IL16: variants seen among roughly 807,000 people sequenced by gnomAD.
The protein encoded by IL16 is interleukin 16.
Under a neutral mutation model 110.1 loss-of-function variants are expected in IL16, and 67 were observed. The ratio of observed to expected loss-of-function variants is 0.61; its 90% confidence interval spans 0.50 to 0.75. The LOEUF is 0.75. Among genes scored for constraint, IL16 ranks in the 30% least tolerant of loss-of-function variants. The pLI is 0.00. For missense variants in IL16, 1,545 were observed against 1,655.0 expected, an observed-to-expected ratio of 0.93 and a Z score of 1.15; for synonymous variants, 689 against 662.9, an observed-to-expected ratio of 1.04 and a Z score of -0.61.
intron 13 of IL16, among the ~76,000 whole-genome samples, chr15:81,298,059 T>C (rs1402990734): frequency 1.3e-5 from 2 of 152,182 alleles, no homozygotes; most frequent in African/African-American, 4.8e-5. Context: ...CCTCAGTGTT[T>C]AACTGACAGG....
At position 81,311,940 on chromosome 15, in the gene IL16, C is replaced by T. The variant is rs1900877636; in HGVS notation, c.*3142C>T. ...TTTAAAGCTTGCTCACATCTTGGCA[C>T]ATTTAAGAGACAGTCACCCCAGGAC... On this transcript the variant is annotated 3_prime_UTR_variant, in exon 19 of 19. Coordinates refer to ENST00000683961, the MANE Select transcript of IL16 (RefSeq NM_172217.5). 6.6e-6 allele frequency: 1 copy of T among 152,198 alleles called. No homozygotes were observed. Among genetic ancestry groups the T allele is most frequent in the African/African-American group, 2.4e-5 (1 of 41,438 alleles). The allele number at this position is 152,198 out of a possible 1,614,324, so 9.4% of individuals were successfully genotyped here.
In IL16 at chr15:81,282,744, A is replaced by G. The variant is rs1379671027; in HGVS notation, c.1187A>G (p.Asp396Gly). 1.2e-6 allele frequency: 2 copies of G among 1,612,176 alleles called. No homozygotes were observed. Among genetic ancestry groups the G allele is most frequent in the Non-Finnish European group, 1.7e-6 (2 of 1,178,222 alleles). ...TCACCAGGATCCGTGGCGCACCTGG[A>G]CGGACGTCTCCGGTATGTCCTCACT... ...TLSPGSVAHL[D>G]GRLRCGDEIV... Residue 396 changes from aspartate to glycine, a missense_variant, in exon 9 of 19, where the codon GAC becomes GGC. Coordinates refer to ENST00000683961, the MANE Select transcript of IL16 (RefSeq NM_172217.5).
At chr15:81,294,340 A>G (rs139279871) in intron 12 of IL16, among the ~76,000 whole-genome samples, 217 of 152,306 alleles carry the variant, frequency 1.4e-3, no homozygotes, top group African/African-American at 5.2e-3. Flanking sequence ...CCTGAGACCT[A>G]TGAGTCCAGA....
chr15:81,197,866 A>C (rs1043524830), intron 1 of IL16, among the ~76,000 whole-genome samples: 5 of 151,892 alleles, frequency 3.3e-5, no homozygotes, highest in African/African-American at 1.2e-4. Context: ...AAATCCTCCC[A>C]CTTCAGGCTG....
Position 81,303,054 on chromosome 15 carries a change from A to G in IL16, c.3319-495A>G, listed in dbSNP as rs1250901179. 6.7e-6 allele frequency among the ~76,000 whole-genome samples: 1 copy of G among 148,360 alleles called. No homozygotes were observed. The highest frequency in any genetic ancestry group is 2.6e-5 in the African/African-American group (1 of 38,254). On this transcript the variant is annotated intron_variant, in intron 15 of 18. Transcript: ENST00000683961. The surrounding 1 kb of genome is among the most constrained non-coding windows in gnomAD (Gnocchi z 4.1). ...GTGTGTGTGTGTGTGTCACACTTGC[A>G]CACTGTGCATTGGGGCAGGATGTTA...
chr15:81,280,886 G>A (rs1036936528), intron 8 of IL16, among the ~76,000 whole-genome samples: 3 of 152,208 alleles, frequency 2.0e-5, no homozygotes, highest in Non-Finnish European at 4.4e-5. Context: ...GGCATAAAAT[G>A]GGAAAGGCAT....
At chr15:81,251,856 C>T (rs954740840) in intron 2 of IL16, among the ~76,000 whole-genome samples, 1 of 152,014 alleles carries the variant, frequency 6.6e-6, no homozygotes, top group African/African-American at 2.4e-5. Context: ...ATATTACCTA[C>T]AGTTTTTTTT....
At chr15:81,248,313 C>T (rs943923147) in intron 2 of IL16, among the ~76,000 whole-genome samples, 1 of 152,008 alleles carries the variant, frequency 6.6e-6, no homozygotes. Flanking sequence ...TTCAACTACA[C>T]ACACACCTAC....
chr15:81,216,370 C>A (rs957924802), intron 1 of IL16, among the ~76,000 whole-genome samples: 2 of 152,182 alleles, frequency 1.3e-5, no homozygotes, highest in Non-Finnish European at 2.9e-5. Flanking sequence ...TTCCCAGGAG[C>A]TGTTTGGGCC....
intron 2 of IL16, among the ~76,000 whole-genome samples, chr15:81,229,851 G>A (rs1373444694): frequency 6.6e-6 from 1 of 152,180 alleles, no homozygotes; most frequent in Non-Finnish European, 1.5e-5. Flanking sequence ...CTCCAGCAAT[G>A]CCATGGTTAC....
chr15:81,228,890 C>T (rs1457649525), intron 2 of IL16, among the ~76,000 whole-genome samples: 1 of 152,040 alleles, frequency 6.6e-6, no homozygotes, highest in Non-Finnish European at 1.5e-5. Context: ...CTCTCTGTGC[C>T]TCAGTTTTCT....
At chr15:81,193,732 C>G (rs1895535315), upstream of IL16, among the ~76,000 whole-genome samples, 1 of 152,108 alleles carries the variant, frequency 6.6e-6, no homozygotes, top group Non-Finnish European at 1.5e-5. Context: ...GACTGCACAG[C>G]CTTGGACGTG....
intron 1 of IL16, among the ~76,000 whole-genome samples, chr15:81,199,034 TATATATA>T (rs1445932370): frequency 0.12 from 15,417 of 123,862 alleles, 1,266 homozygotes; most frequent in South Asian, 0.32. Context: ...AAAAAAAATA[TATATATA>T]TATATATATA....
Position 81,299,557 on chromosome 15 carries a change from T to C in IL16, c.2231T>C (p.Leu744Pro), listed in dbSNP as rs749474954. The change falls in exon 14 of 19, where the codon CTG becomes CCG. Residue 744 changes from leucine (L) to proline (P), a missense_variant. Physicochemically the swap from Leu to Pro is moderately conservative, Grantham distance 98. Around this residue, in one of 3 missense-constraint regions of IL16, gnomAD observed 1,185 missense variants for 1,238.8 expected, o/e 0.96. Transcript: ENST00000683961. Reference sequence around the variant, plus strand: ...ATGCCTCTACAGCCCAATGCCAGCCTGAATGAAGAAGAAGGGACACAGGGC... The same window carrying C: ...ATGCCTCTACAGCCCAATGCCAGCCCGAATGAAGAAGAAGGGACACAGGGC... ...GHMPLQPNAS[L>P]NEEEGTQGHP... is the part of the protein sequence containing the mutation. 1.2e-6 allele frequency: 2 copies of C among 1,613,990 alleles called. No individual in the cohort carries two copies. The highest frequency in any genetic ancestry group is 1.7e-5 in the Admixed American group (1 of 59,996).
At chr15:81,295,130 TA>T (rs568341871) in intron 12 of IL16, among the ~76,000 whole-genome samples, 5 of 152,166 alleles carry the variant, frequency 3.3e-5, no homozygotes, top group Non-Finnish European at 5.9e-5. Flanking sequence ...AAAACTTGCT[TA>T]AAAAAACACA....
At chr15:81,283,131 G>A (rs1401585970) in intron 9 of IL16, among the ~76,000 whole-genome samples, 1 of 152,192 alleles carries the variant, frequency 6.6e-6, no homozygotes, top group Non-Finnish European at 1.5e-5. Context: ...TGTGGGTCCT[G>A]CCAGGACCAG....
intron 2 of IL16, among the ~76,000 whole-genome samples, chr15:81,247,061 C>CTTTCT (rs1203882530): frequency 1.9e-5 from 2 of 104,334 alleles, no homozygotes; most frequent in African/African-American, 7.6e-5. Context: ...TTTGTGTTTT[C>CTTTCT]TTTCTTTTCT....
upstream of IL16, among the ~76,000 whole-genome samples, chr15:81,195,972 C>G (rs1383961158): frequency 6.6e-6 from 1 of 151,614 alleles, no homozygotes; most frequent in Non-Finnish European, 1.5e-5. Context: ...TCAACATGCT[C>G]TGTATACGTT....
chr15:81,188,386 T>C (rs1566986677), intron 1 of IL16: 1 of 456,192 alleles, frequency 2.2e-6, no homozygotes, highest in Non-Finnish European at 4.4e-6. Context: ...GAGATGGAGC[T>C]GAGGGAAGGC....
Sources: allele counts gnomAD v4.1 joint callset (sites outside exome capture counted in the v4.1 genomes callset), GRCh38; gene constraint gnomAD v4.1.1; regional missense constraint gnomAD v4.1.1; non-coding constraint Gnocchi (gnomAD v3.1); transcripts MANE v1.5; gene names NCBI Gene and HGNC (gene_info 2026-07-23, HGNC 2026-07-21).